SGCZ: variants seen among roughly 807,000 people sequenced by gnomAD.
SGCZ encodes the protein zeta-sarcoglycan.
Under a neutral mutation model 41.3 loss-of-function variants are expected in SGCZ, and 40 were observed. The observed-to-expected ratio is 0.97, with a 90% CI of 0.75 to 1.26. The LOEUF (loss-of-function observed/expected upper bound fraction) is 1.26. SGCZ is among the 50% of genes most tolerant of loss of function. The pLI is 0.00. For synonymous variants in SGCZ, 206 were observed against 137.5 expected (o/e 1.50, Z -3.49); for missense variants, 552 against 369.8 (o/e 1.49, Z -4.04).
At chr8:14,921,444 A>T (rs910416614) in intron 1 of SGCZ, among the ~76,000 whole-genome samples, 3 of 152,178 alleles carry the variant, frequency 2.0e-5, no homozygotes, top group African/African-American at 7.2e-5. Flanking sequence ...GTAAAGATTA[A>T]AGGGCATAAT....
intron 3 of SGCZ, among the ~76,000 whole-genome samples, chr8:14,254,660 T>G (rs1799400560): frequency 6.6e-6 from 1 of 152,222 alleles, no homozygotes; most frequent in Non-Finnish European, 1.5e-5. Context: ...ATAAAATATT[T>G]TAAATGTCAT....
intron 1 of SGCZ, among the ~76,000 whole-genome samples, chr8:14,559,239 C>A (rs1420717905): frequency 1.3e-5 from 2 of 151,794 alleles, no homozygotes; most frequent in South Asian, 2.1e-4. Flanking sequence ...CCCTAAAGAC[C>A]CCTCCAAAAA....
At chr8:14,713,151 G>A (rs1268574847) in intron 1 of SGCZ, among the ~76,000 whole-genome samples, 5 of 152,162 alleles carry the variant, frequency 3.3e-5, no homozygotes, top group African/African-American at 1.2e-4. Context: ...ACCTCTAAGT[G>A]TACCAGGTTT....
intron 1 of SGCZ, among the ~76,000 whole-genome samples, chr8:14,886,602 C>T (rs1804815567): frequency 6.6e-6 from 1 of 151,932 alleles, no homozygotes; most frequent in South Asian, 2.1e-4. Flanking sequence ...GTGTCCCTGG[C>T]ATGTTCCAGG....
chr8:15,236,668 TAA>T (rs1802134318), intron 1 of SGCZ, among the ~76,000 whole-genome samples: 1 of 131,778 alleles, frequency 7.6e-6, no homozygotes, highest in Non-Finnish European at 1.8e-5. Context: ...TGTGTGTATA[TAA>T]ATATATATAT....
chr8:14,224,373 G>A (rs1017366367), intron 4 of SGCZ, among the ~76,000 whole-genome samples: 1 of 152,150 alleles, frequency 6.6e-6, no homozygotes, highest in Non-Finnish European at 1.5e-5. Context: ...CAGGTACTAT[G>A]GTGAGTGTGA....
intron 2 of SGCZ, among the ~76,000 whole-genome samples, chr8:14,457,391 G>C (rs578028007): frequency 1.3e-5 from 2 of 152,324 alleles, no homozygotes; most frequent in African/African-American, 4.8e-5. Flanking sequence ...GTAGCAAAAG[G>C]TGTCAAGGAA....
At chr8:14,169,049 C>T (rs192715188) in intron 4 of SGCZ, among the ~76,000 whole-genome samples, 92 of 152,244 alleles carry the variant, frequency 6.0e-4, no homozygotes, top group African/African-American at 2.1e-3. Context: ...AGTTAGGATT[C>T]AAGCCAAGGC....
At chr8:14,899,443 T>C (rs185002311) in intron 1 of SGCZ, among the ~76,000 whole-genome samples, 84 of 152,288 alleles carry the variant, frequency 5.5e-4, no homozygotes, top group African/African-American at 1.8e-3. Context: ...ATTACAAAAA[T>C]AGAAGCACAG....
intron 4 of SGCZ, among the ~76,000 whole-genome samples, chr8:14,202,897 C>A (rs1805500372): frequency 6.6e-6 from 1 of 152,130 alleles, no homozygotes; most frequent in Non-Finnish European, 1.5e-5. Flanking sequence ...TCCGACAATT[C>A]CCACATCTTG....
chr8:14,568,280 C>T (rs1239068287), intron 1 of SGCZ, among the ~76,000 whole-genome samples: 2 of 151,980 alleles, frequency 1.3e-5, no homozygotes, highest in Non-Finnish European at 2.9e-5. Context: ...ATACCTAATG[C>T]ATGTAGGGCT....
intron 1 of SGCZ, among the ~76,000 whole-genome samples, chr8:14,872,407 TA>T (rs1278791653): frequency 6.9e-6 from 1 of 145,098 alleles, no homozygotes; most frequent in Non-Finnish European, 1.5e-5. Context: ...TGCTGTATAT[TA>T]TTTTTATTAT....
chr8:14,246,767 A>G (rs1402966932), intron 3 of SGCZ, among the ~76,000 whole-genome samples: 1 of 151,580 alleles, frequency 6.6e-6, no homozygotes, highest in African/African-American at 2.4e-5. Context: ...GAAATTAGCC[A>G]GTCATAGTGG....
At chr8:14,604,520 A>G (rs1216323967) in intron 1 of SGCZ, among the ~76,000 whole-genome samples, 1 of 152,156 alleles carries the variant, frequency 6.6e-6, no homozygotes, top group African/African-American at 2.4e-5. Context: ...ATCAGGTACA[A>G]TAAACTCTAA....
At chr8:14,321,484 C>T (rs1171194740) in intron 3 of SGCZ, among the ~76,000 whole-genome samples, 1 of 152,018 alleles carries the variant, frequency 6.6e-6, no homozygotes, top group Admixed American at 6.6e-5. Flanking sequence ...ATCTTCTGTT[C>T]AATAGACATC....
At chr8:14,952,570 C>T (rs915381181) in intron 1 of SGCZ, among the ~76,000 whole-genome samples, 4 of 152,106 alleles carry the variant, frequency 2.6e-5, no homozygotes, top group African/African-American at 9.7e-5. Context: ...TTTATCCTCA[C>T]CCTCTAGCAA....
intron 1 of SGCZ, among the ~76,000 whole-genome samples, chr8:14,768,975 T>A (rs1221435244): frequency 6.6e-6 from 1 of 152,066 alleles, no homozygotes; most frequent in Non-Finnish European, 1.5e-5. Context: ...TATTCATATA[T>A]CCATATGTAG....
At chr8:14,970,301 G>T (rs1426730949) in intron 1 of SGCZ, among the ~76,000 whole-genome samples, 1 of 152,040 alleles carries the variant, frequency 6.6e-6, no homozygotes, top group Non-Finnish European at 1.5e-5. Flanking sequence ...CACTTACTCT[G>T]TCTTGTCTTT....
intron 1 of SGCZ, among the ~76,000 whole-genome samples, chr8:15,014,207 G>A (rs1026991072): frequency 6.6e-6 from 1 of 152,140 alleles, no homozygotes; most frequent in African/African-American, 2.4e-5. Context: ...TAGTTGTCAG[G>A]ATATGCTGGA....
Sources: allele counts gnomAD v4.1 joint callset (sites outside exome capture counted in the v4.1 genomes callset), GRCh38; gene constraint gnomAD v4.1.1; transcripts MANE v1.5; gene names NCBI Gene and HGNC (gene_info 2026-07-23, HGNC 2026-07-21).